Variants in DENND2A observed in about 807,000 individuals in gnomAD.
The protein encoded by DENND2A is DENN domain containing 2A, also known as DENN domain-containing protein 2A.
Under a neutral mutation model 105.3 loss-of-function variants are expected in DENND2A, and 53 were observed. The observed-to-expected ratio is 0.50, with a 90% CI of 0.40 to 0.63. The LOEUF is 0.63. Among genes scored for constraint, DENND2A ranks in the 30% least tolerant of loss-of-function variants. DENND2A has a pLI of 0.00. For synonymous variants in DENND2A, 522 were observed against 508.4 expected (o/e 1.03, Z -0.36); for missense variants, 1,138 against 1,279.6 (o/e 0.89, Z 1.69).
intron 14 of DENND2A, among the ~76,000 whole-genome samples, chr7:140,539,337 A>G (rs1353245034): frequency 6.6e-6 from 1 of 152,182 alleles, no homozygotes; most frequent in African/African-American, 2.4e-5. Context: ...TGACCTGATC[A>G]TACCTGTCTC....
chr7:140,551,922 C>A (rs1797154452), intron 12 of DENND2A, among the ~76,000 whole-genome samples: 1 of 152,202 alleles, frequency 6.6e-6, no homozygotes, highest in Admixed American at 6.6e-5. Context: ...TATCCCTGGT[C>A]AGAAAACAGA....
At chr7:140,597,009 G>A (rs779553970) in intron 3 of DENND2A, among the ~76,000 whole-genome samples, 3 of 152,066 alleles carry the variant, frequency 2.0e-5, no homozygotes, top group Non-Finnish European at 4.4e-5. Context: ...GAAGGCCTAA[G>A]TCCTTGCATT....
At position 140,589,933 on chromosome 7, in the gene DENND2A, T is replaced by C. The variant is rs184669224; in HGVS notation, c.996-2153A>G. ...TCTGTTTTTATTTTTTAAAATCTCA[T>C]TGGAAACAATATTTGTATAGGTCAA... On this transcript the variant is annotated intron_variant, in intron 3 of 19. Coordinates refer to ENST00000496613, the MANE Select transcript of DENND2A (RefSeq NM_015689.5). Among the ~76,000 whole-genome samples, 718 of 152,314 alleles carry C rather than the reference T, an allele frequency of 4.7e-3. 2 individuals are homozygous for C. The highest frequency in any genetic ancestry group is 0.014 in the Middle Eastern group (4 of 294).
intron 3 of DENND2A, among the ~76,000 whole-genome samples, chr7:140,589,120 G>A (rs1053182059): frequency 2.6e-5 from 4 of 152,106 alleles, no homozygotes; most frequent in African/African-American, 4.8e-5. Context: ...TTGGGAAAAG[G>A]TGGTGGAATT....
chr7:140,596,387 T>A (rs1253202157), intron 3 of DENND2A, among the ~76,000 whole-genome samples: 1 of 152,208 alleles, frequency 6.6e-6, no homozygotes, highest in Non-Finnish European at 1.5e-5. Context: ...TTTTTAGACG[T>A]GGTAATTCCG....
At chr7:140,533,184 G>T (rs1796328687) in intron 14 of DENND2A, among the ~76,000 whole-genome samples, 1 of 152,012 alleles carries the variant, frequency 6.6e-6, no homozygotes, top group Admixed American at 6.6e-5. Context: ...GTAGAGACGG[G>T]ATTTCACCAT....
chr7:140,594,444 A>G (rs1206192008), intron 3 of DENND2A, among the ~76,000 whole-genome samples: 1 of 150,808 alleles, frequency 6.6e-6, no homozygotes, highest in Non-Finnish European at 1.5e-5. Flanking sequence ...CTGAACGTCC[A>G]CTCCCCACCC....
intron 1 of DENND2A, among the ~76,000 whole-genome samples, chr7:140,634,200 G>A (rs368243556): frequency 1.3e-5 from 2 of 151,576 alleles, no homozygotes; most frequent in Non-Finnish European, 1.5e-5. Context: ...GGGTTTCACC[G>A]TGTTAGCCAG....
At chr7:140,528,134 C>A (rs1245360076) in intron 14 of DENND2A, among the ~76,000 whole-genome samples, 2 of 152,084 alleles carry the variant, frequency 1.3e-5, no homozygotes, top group East Asian at 1.9e-4. Context: ...AGCCACCATG[C>A]CTGGACTCTT....
intron 12 of DENND2A, 77 bp downstream of exon 12, chr7:140,555,559 C>T (rs910612615): frequency 7.1e-6 from 9 of 1,261,846 alleles, no homozygotes; most frequent in Non-Finnish European, 1.0e-5. Context: ...AGGCCCAGGA[C>T]ATGGGGGTAT....
chr7:140,563,335 C>T (rs1797705474), intron 9 of DENND2A, among the ~76,000 whole-genome samples: 1 of 152,170 alleles, frequency 6.6e-6, no homozygotes, highest in African/African-American at 2.4e-5. Context: ...TACACAGGCT[C>T]ATATATGCAC....
At position 140,561,493 on chromosome 7, in the gene DENND2A, G is replaced by A. The variant is rs981035579; in HGVS notation, c.1780-1676C>T. ...TAACCTATATTTTTTCTTTCTTTCT[G>A]TTGTCTTTTTTTTTTTTTTTTTTTT... On this transcript the variant is annotated intron_variant, in intron 9 of 19. Coordinates refer to ENST00000496613, the MANE Select transcript of DENND2A (RefSeq NM_015689.5). Among the ~76,000 whole-genome samples the A allele has an allele frequency of 1.7e-4, 22 of 133,046 alleles. No homozygotes were observed. The Middle Eastern group carries it at 0.021, about 127-fold the overall frequency. The allele number at this position is 133,046 out of a possible 152,430, so 87.3% of individuals were successfully genotyped here.
In DENND2A at chr7:140,527,603, C is replaced by T. The variant is rs1585554705; in HGVS notation, c.2328-108G>A. ...GACAGGATGACTAGGAAAGGACACA[C>T]GTGGATGTGGATCCGGTGGAGCACA... On this transcript the variant is annotated intron_variant, in intron 14 of 19. Coordinates refer to ENST00000496613, the MANE Select transcript of DENND2A (RefSeq NM_015689.5). This position sits in a 1 kb window ranked among gnomAD's most constrained non-coding sequence, Gnocchi z 4.9. 11 of 1,192,770 alleles carry T rather than the reference C, an allele frequency of 9.2e-6. No homozygotes were observed. Among genetic ancestry groups the T allele is most frequent in the Admixed American group, 7.8e-5 (3 of 38,414 alleles). The allele number at this position is 1,192,770 out of a possible 1,614,324, so 73.9% of individuals were successfully genotyped here.
At position 140,640,293 on chromosome 7, in the gene DENND2A, G is replaced by T. The variant is rs1005943582; in HGVS notation, c.-248+211C>A. On this transcript the variant is annotated intron_variant, in intron 1 of 19. Coordinates refer to ENST00000496613, the MANE Select transcript of DENND2A (RefSeq NM_015689.5). This position sits in a 1 kb window ranked among gnomAD's most constrained non-coding sequence, Gnocchi z 4.9. ...GACGGCGGCGTCCGGGCTCAGTCCT[G>T]GGAGTCAGCCCGAGCCCGGGAGGAA... 3 of 152,334 alleles carry T rather than the reference G, an allele frequency of 2.0e-5. No individual in the cohort carries two copies. The highest frequency in any genetic ancestry group is 4.4e-5 in the Non-Finnish European group (3 of 68,188). 9.4% of individuals were successfully genotyped at this position (152,334 alleles called of 1,614,324 possible).
intron 19 of DENND2A, 114 bp downstream of exon 19, chr7:140,519,518 C>T: frequency 1.2e-6 from 1 of 842,022 alleles, no homozygotes; most frequent in South Asian, 1.5e-5. Context: ...CCAGCGCAGG[C>T]CGTAGAGCTC....
At chr7:140,535,356 C>A (rs1381076826) in intron 14 of DENND2A, among the ~76,000 whole-genome samples, 1 of 152,126 alleles carries the variant, frequency 6.6e-6, no homozygotes, top group African/African-American at 2.4e-5. Context: ...CATGCAGTGG[C>A]TCCTGGTTTC....
intron 14 of DENND2A, among the ~76,000 whole-genome samples, chr7:140,530,194 A>G (rs759224886): frequency 1.7e-4 from 26 of 152,210 alleles, no homozygotes; most frequent in Non-Finnish European, 2.6e-4. Flanking sequence ...ACTGCACTCC[A>G]GCATGGATGA....
intron 3 of DENND2A, among the ~76,000 whole-genome samples, chr7:140,591,100 C>G (rs776258569): frequency 1.1e-4 from 16 of 152,050 alleles, no homozygotes; most frequent in Admixed American, 1.0e-3. Context: ...GAGTTTCAGA[C>G]CAGCTGGGCA....
At chr7:140,595,338 A>C (rs1472520454) in intron 3 of DENND2A, among the ~76,000 whole-genome samples, 1 of 152,186 alleles carries the variant, frequency 6.6e-6, no homozygotes, top group Non-Finnish European at 1.5e-5. Flanking sequence ...GCTGGTTTTA[A>C]GTGCTACATT....
Sources: allele counts gnomAD v4.1 joint callset (sites outside exome capture counted in the v4.1 genomes callset), GRCh38; gene constraint gnomAD v4.1.1; non-coding constraint Gnocchi (gnomAD v3.1); transcripts MANE v1.5; gene names NCBI Gene and HGNC (gene_info 2026-07-23, HGNC 2026-07-21).